The following HNF1B variants were observed in gnomAD, a reference collection of about 807,000 sequenced individuals.
HNF1B encodes the protein HNF1 homeobox B, also known as hepatocyte nuclear factor 1-beta.
A neutral mutation model predicts 61.7 loss-of-function variants in HNF1B; 8 were observed. The observed-to-expected ratio is 0.13, with a 90% CI of 0.08 to 0.23. The LOEUF is 0.23. Among genes scored for constraint, HNF1B ranks in the 10% least tolerant of loss-of-function variants. The pLI is 1.00. For missense variants in HNF1B, 562 were observed against 714.5 expected, an observed-to-expected ratio of 0.79 and a Z score of 2.43; for synonymous variants, 314 against 287.7, an observed-to-expected ratio of 1.09 and a Z score of -0.93.
At chr17:37,735,411 A>C (rs1423156496) in intron 2 of HNF1B, among the ~76,000 whole-genome samples, 1 of 152,186 alleles carries the variant, frequency 6.6e-6, no homozygotes, top group Non-Finnish European at 1.5e-5. Flanking sequence ...AAGACTTGCA[A>C]TCCCAACTGC....
Position 37,699,712 on chromosome 17 carries a change from G to A in HNF1B, c.1535-518C>T, listed in dbSNP as rs543756926. Among the ~76,000 whole-genome samples, 12 of 152,334 alleles carry A rather than the reference G, an allele frequency of 7.9e-5. No homozygotes were observed. The South Asian group carries it at 1.9e-3, about 24-fold the overall frequency. ...ACATCACCAGGCTCTGGGAGGAAGG[G>A]AAGTGGGGCACATGTGGTCTCAGAC... On this transcript the variant is annotated intron_variant, in intron 7 of 8. Transcript: ENST00000617811.
intron 4 of HNF1B, among the ~76,000 whole-genome samples, chr17:37,726,861 C>A (rs1487778295): frequency 6.6e-6 from 1 of 152,186 alleles, no homozygotes; most frequent in Non-Finnish European, 1.5e-5. Context: ...TTGTGCCTCA[C>A]TTTCTTTCCA....
intron 4 of HNF1B, among the ~76,000 whole-genome samples, chr17:37,726,312 T>C (rs2033495586): frequency 1.3e-5 from 2 of 152,240 alleles, no homozygotes; most frequent in Admixed American, 1.3e-4. Context: ...CCATTCTAAA[T>C]AGTTCACTTC....
chr17:37,690,290 G>A (rs1261504905), intron 8 of HNF1B, among the ~76,000 whole-genome samples: 3 of 152,110 alleles, frequency 2.0e-5, no homozygotes, highest in African/African-American at 7.3e-5. Flanking sequence ...AAAGCTGAGC[G>A]GGTGATGGAG....
chr17:37,727,408 G>A (rs1322134090), intron 4 of HNF1B, among the ~76,000 whole-genome samples: 1 of 152,160 alleles, frequency 6.6e-6, no homozygotes, highest in Non-Finnish European at 1.5e-5. Flanking sequence ...CCCCCAAGAA[G>A]AGCAAACAAA....
intron 4 of HNF1B, chr17:37,729,008 C>G (rs906972364): frequency 1.3e-5 from 2 of 152,452 alleles, no homozygotes; most frequent in African/African-American, 4.8e-5. Flanking sequence ...TTAGCCCTCT[C>G]TAATGTTAAG....
At chr17:37,722,206 G>T (rs1264113744) in intron 4 of HNF1B, among the ~76,000 whole-genome samples, 1 of 152,100 alleles carries the variant, frequency 6.6e-6, no homozygotes, top group Non-Finnish European at 1.5e-5. Flanking sequence ...GAAACTACAA[G>T]GTAAGACCCT....
At chr17:37,718,156 GA>G (rs899847639) in intron 4 of HNF1B, among the ~76,000 whole-genome samples, 6 of 151,166 alleles carry the variant, frequency 4.0e-5, no homozygotes, top group African/African-American at 1.5e-4. Context: ...ACCAAGAAAA[GA>G]AAAAAAAATC....
At chr17:37,744,066 C>CTGCAGGTCATCA (rs2034086555) in intron 1 of HNF1B, among the ~76,000 whole-genome samples, 1 of 152,270 alleles carries the variant, frequency 6.6e-6, no homozygotes, top group Non-Finnish European at 1.5e-5. Flanking sequence ...CGGCAAAGAA[C>CTGCAGGTCATCA]TGCAGGTCAT....
Position 37,720,025 on chromosome 17 carries a change from C to T in HNF1B, c.1046-9362G>A, listed in dbSNP as rs535979323. ...ATCATGACAGATAGCTGCCGATCAC[C>T]GGCAGGCCCAAGGAGGCTCGTCCCA... On this transcript the variant is annotated intron_variant, in intron 4 of 8. Transcript: ENST00000617811. 8.5e-5 allele frequency among the ~76,000 whole-genome samples: 13 copies of T among 152,250 alleles called. No individual in the cohort carries two copies. In the Middle Eastern group the frequency reaches 0.01, roughly 120 times the overall value.
chr17:37,739,655 G>T lies in HNF1B; in HGVS notation c.345-16C>A. On this transcript the variant is annotated splice_polypyrimidine_tract_variant and intron_variant, in intron 1 of 8. Coordinates refer to ENST00000617811, the MANE Select transcript of HNF1B (RefSeq NM_000458.4). The stretch of plus-strand genomic sequence containing the variant: ...AGGGTCCTCACTAGACAGACAAGCA[G>T]ATGGTTAGGGTACTAGTGGGAGACA... The T allele has an allele frequency of 1.3e-6, 2 of 1,594,988 alleles. No individual in the cohort carries two copies. The highest frequency in any genetic ancestry group is 1.7e-6 in the Non-Finnish European group (2 of 1,167,486).
intron 2 of HNF1B, among the ~76,000 whole-genome samples, chr17:37,738,496 G>A (rs1235107704): frequency 6.6e-6 from 1 of 152,226 alleles, no homozygotes; most frequent in East Asian, 1.9e-4. Flanking sequence ...GATAAAGACA[G>A]AGAAGCCTAG....
chr17:37,725,911 C>T (rs1214647900), intron 4 of HNF1B, among the ~76,000 whole-genome samples: 1 of 152,234 alleles, frequency 6.6e-6, no homozygotes, highest in East Asian at 1.9e-4. Flanking sequence ...CAGTTCAAAT[C>T]CCCACACAAA....
chr17:37,705,432 T>A (rs1370415679), intron 5 of HNF1B, among the ~76,000 whole-genome samples: 1 of 152,170 alleles, frequency 6.6e-6, no homozygotes, highest in Admixed American at 6.5e-5. Context: ...TTGTTGACTG[T>A]CTGAGTTACT....
At chr17:37,713,254 T>C (rs1434488577) in intron 4 of HNF1B, among the ~76,000 whole-genome samples, 2 of 152,254 alleles carry the variant, frequency 1.3e-5, no homozygotes, top group Non-Finnish European at 2.9e-5. Flanking sequence ...TCTCTGGATT[T>C]AGCCTATTTA....
chr17:37,731,839 G>A lies in HNF1B; in HGVS notation c.810-9C>T. ...GCTGCAAACATTCTGCCCTGGGAAT[G>A]GATGGAGGGGAGATGGTGAGTGAGG... On this transcript the variant is annotated splice_polypyrimidine_tract_variant and intron_variant, in intron 3 of 8. Transcript: ENST00000617811. 1 of 1,597,734 alleles carries A rather than the reference G, an allele frequency of 6.3e-7. No homozygotes were observed. The highest frequency in any genetic ancestry group is 8.6e-7 in the Non-Finnish European group (1 of 1,166,524).
intron 8 of HNF1B, among the ~76,000 whole-genome samples, chr17:37,690,503 C>T (rs2032162300): frequency 6.6e-6 from 1 of 152,130 alleles, no homozygotes; most frequent in Non-Finnish European, 1.5e-5. Context: ...AGGCAAGGGC[C>T]ACCTAAGGAG....
At chr17:37,738,947 G>A (rs1275071887) in intron 2 of HNF1B, among the ~76,000 whole-genome samples, 1 of 152,142 alleles carries the variant, frequency 6.6e-6, no homozygotes, top group East Asian at 1.9e-4. Context: ...CCAAGAACAG[G>A]GTGAAGTTCT....
chr17:37,721,015 A>C, intron 4 of HNF1B: 3 of 914,408 alleles, frequency 3.3e-6, no homozygotes, highest in Non-Finnish European at 3.9e-6. Flanking sequence ...ATGTTGTTTA[A>C]GGGTTTTCCA....
Sources: allele counts gnomAD v4.1 joint callset (sites outside exome capture counted in the v4.1 genomes callset), GRCh38; gene constraint gnomAD v4.1.1; transcripts MANE v1.5; gene names NCBI Gene and HGNC (gene_info 2026-07-23, HGNC 2026-07-21).